Variants in PCDHGA3 observed in about 807,000 individuals in gnomAD.
The protein encoded by PCDHGA3 is protocadherin gamma subfamily A, 3.
PCDHGA3 carries 40 observed loss-of-function variants against 58.5 expected under a neutral mutation model. The ratio of observed to expected loss-of-function variants is 0.68; its 90% CI spans 0.53 to 0.89. The LOEUF is 0.89. PCDHGA3 is among the 40% of genes least tolerant of loss of function. The pLI, the probability that PCDHGA3 is intolerant of heterozygous loss-of-function variation, is 0.00. For synonymous variants in PCDHGA3, 530 were observed against 525.7 expected (o/e 1.01, Z -0.11); for missense variants, 1,223 against 1,195.9 (o/e 1.02, Z -0.33).
At chr5:141,444,865 G>A (rs1038923777) in intron 1 of PCDHGA3, among the ~76,000 whole-genome samples, 1 of 152,098 alleles carries the variant, frequency 6.6e-6, no homozygotes, top group Non-Finnish European at 1.5e-5. Flanking sequence ...TCTTACTACA[G>A]GACAAAGCTT....
chr5:141,491,441 A>G lies in PCDHGA3; in HGVS notation c.2425-3366A>G, dbSNP rs776616506. 1.2e-6 allele frequency: 2 copies of G among 1,614,146 alleles called. No homozygotes were observed. The highest frequency in any genetic ancestry group is 1.7e-6 in the Non-Finnish European group (2 of 1,180,032). ...GGTGGAGGGCAGTGCTGCAGGCGCCAGGACTCACCCTCCCCGGACTTCTAT... is the reference window on the plus strand; with the variant it reads ...GGTGGAGGGCAGTGCTGCAGGCGCCGGGACTCACCCTCCCCGGACTTCTAT... On this transcript the variant is annotated intron_variant, in intron 1 of 3. Coordinates refer to ENST00000253812, the MANE Select transcript of PCDHGA3 (RefSeq NM_018916.4). The surrounding 1 kb of genome is among the most constrained non-coding windows in gnomAD (Gnocchi z 6.9).
At position 141,434,771 on chromosome 5, in the gene PCDHGA3, TA is replaced by T. The variant is rs36031641; in HGVS notation, c.2425-60023del. On this transcript the variant is annotated intron_variant, in intron 1 of 3. Transcript: ENST00000253812. ...CCCCTGATTCCCCACTTCACACTTC[TA>T]AAAAAAAAAAAATTTTTTTTTCTGA... 2.5e-3 allele frequency among the ~76,000 whole-genome samples: 362 copies of T among 145,286 alleles called. 1 individual carries two copies. The highest frequency in any genetic ancestry group is 0.011 in the Middle Eastern group (3 of 280).
intron 1 of PCDHGA3, chr5:141,410,268 A>C: frequency 6.2e-7 from 1 of 1,613,994 alleles, no homozygotes. Context: ...GCTGAACTGC[A>C]GTTTTACCTG....
rs1243958567 is a variant in PCDHGA3, at chr5:141,418,557, T to C, written c.2424+72100T>C. 4.3e-6 allele frequency: 7 copies of C among 1,613,860 alleles called. No homozygotes were observed. The East Asian group carries it at 1.6e-4, about 36-fold the overall frequency. On this transcript the variant is annotated intron_variant, in intron 1 of 3. Coordinates refer to ENST00000253812, the MANE Select transcript of PCDHGA3 (RefSeq NM_018916.4). ...ACTGCTCAGATAAGAATCCTGGTAA[T>C]AGATGCCAATGACAACCCCCCAGTG... is the stretch of plus-strand genomic sequence containing the variant.
rs1384424498 is a variant in PCDHGA3, at chr5:141,431,677, G to A, written c.2425-63130G>A. On this transcript the variant is annotated intron_variant, in intron 1 of 3. Coordinates refer to ENST00000253812, the MANE Select transcript of PCDHGA3 (RefSeq NM_018916.4). This position sits in a 1 kb window ranked among gnomAD's most constrained non-coding sequence, Gnocchi z 4.8. The stretch of plus-strand genomic sequence containing the variant: ...CAGGGACAATATCAACAATAGGGGA[G>A]TTGGACCACGAGGAGTCAGGATTCT... 2 of 1,614,236 alleles carry A rather than the reference G, an allele frequency of 1.2e-6. No homozygotes were observed. The highest frequency in any genetic ancestry group is 1.7e-6 in the Non-Finnish European group (2 of 1,180,050).
At chr5:141,503,981 C>T (rs774655880) in intron 2 of PCDHGA3, among the ~76,000 whole-genome samples, 4 of 152,300 alleles carry the variant, frequency 2.6e-5, no homozygotes, top group East Asian at 1.9e-4. Flanking sequence ...CCAAACCCTT[C>T]TTCTTACCTT....
intron 1 of PCDHGA3, chr5:141,423,413 C>T (rs757696505): frequency 2.5e-6 from 4 of 1,614,022 alleles, no homozygotes; most frequent in South Asian, 2.2e-5. Flanking sequence ...CTGCAGGCTT[C>T]TGAAGGCGGG....
At chr5:141,382,840 A>C in intron 1 of PCDHGA3, 1 of 1,450,368 alleles carries the variant, frequency 6.9e-7, no homozygotes, top group Admixed American at 2.3e-5. Flanking sequence ...CCACCCGGAT[A>C]CACCCGCATT....
At chr5:141,462,043 G>C (rs1310987622) in intron 1 of PCDHGA3, among the ~76,000 whole-genome samples, 1 of 152,100 alleles carries the variant, frequency 6.6e-6, no homozygotes, top group Non-Finnish European at 1.5e-5. Flanking sequence ...GGCGGGTCTT[G>C]AACTCCCGAC....
At chr5:141,430,808 G>A in intron 1 of PCDHGA3, 1 of 1,526,682 alleles carries the variant, frequency 6.6e-7, no homozygotes, top group East Asian at 2.3e-5. Flanking sequence ...TGTCCTGCTG[G>A]GAATCCTCCT....
At chr5:141,363,723 G>T (rs1763043786) in intron 1 of PCDHGA3, among the ~76,000 whole-genome samples, 1 of 152,212 alleles carries the variant, frequency 6.6e-6, no homozygotes, top group African/African-American at 2.4e-5. Context: ...AAGGTGCATG[G>T]AGAACTGGGT....
intron 1 of PCDHGA3, chr5:141,352,191 A>G (rs1339193704): frequency 1.2e-6 from 2 of 1,613,698 alleles, no homozygotes; most frequent in African/African-American, 2.7e-5. Flanking sequence ...GCTGTGCGTG[A>G]TGGAGGACAG....
rs773126086 is a variant in PCDHGA3 at position 141,487,392 on chromosome 5, G to C, written c.2425-7415G>C. The C allele has an allele frequency of 6.2e-7, 1 of 1,614,176 alleles. No homozygotes were observed. Among genetic ancestry groups the C allele is most frequent in the Non-Finnish European group, 8.5e-7 (1 of 1,180,024 alleles). ...GCCTGTCTCACCAGATCTCGAAGGA[G>C]GGAGGGGCTTCCCCCTTCCAATGGG... On this transcript the variant is annotated intron_variant, in intron 1 of 3. Coordinates refer to ENST00000253812, the MANE Select transcript of PCDHGA3 (RefSeq NM_018916.4). This position sits in a 1 kb window ranked among gnomAD's most constrained non-coding sequence, Gnocchi z 5.0.
chr5:141,375,987 G>A, intron 1 of PCDHGA3: 1 of 1,613,458 alleles, frequency 6.2e-7, no homozygotes, highest in Non-Finnish European at 8.5e-7. Context: ...CTGCTGGACA[G>A]AGACGCGCTC....
Position 141,490,483 on chromosome 5 carries a change from G to A in PCDHGA3, c.2425-4324G>A. On this transcript the variant is annotated intron_variant, in intron 1 of 3. Transcript: ENST00000253812. The surrounding 1 kb of genome is among the most constrained non-coding windows in gnomAD (Gnocchi z 5.4). ...GCTAACCAGCCAGCCTTTGGACCGG[G>A]AGGCCACATCCCACTATATCATCGA... 2.5e-6 allele frequency: 4 copies of A among 1,614,198 alleles called. No individual in the cohort carries two copies. Among genetic ancestry groups the A allele is most frequent in the Non-Finnish European group, 3.4e-6 (4 of 1,180,046 alleles).
intron 3 of PCDHGA3, among the ~76,000 whole-genome samples, chr5:141,508,533 C>A (rs1396219805): frequency 6.6e-6 from 1 of 152,160 alleles, no homozygotes; most frequent in Non-Finnish European, 1.5e-5. Flanking sequence ...CAGGGCACCC[C>A]CCACGAGGTG....
intron 1 of PCDHGA3, among the ~76,000 whole-genome samples, chr5:141,407,816 ATAT>A (rs1270765996): frequency 6.6e-6 from 1 of 152,228 alleles, no homozygotes; most frequent in Non-Finnish European, 1.5e-5. Context: ...ATCTACTATA[ATAT>A]TATGGTGAGA....
rs756237595 is a variant in PCDHGA3, at chr5:141,398,946, C to T, written c.2424+52489C>T. The T allele has an allele frequency of 1.9e-6, 3 of 1,613,830 alleles. No individual in the cohort carries two copies. The Admixed American group carries it at 5.0e-5, about 27-fold the overall frequency. ...CAGCCACTGACCAAGACGAGGGCAT[C>T]AACTCAGAAATTACTTATTCCTTCT... On this transcript the variant is annotated intron_variant, in intron 1 of 3. Coordinates refer to ENST00000253812, the MANE Select transcript of PCDHGA3 (RefSeq NM_018916.4).
chr5:141,476,553 A>G lies in PCDHGA3; in HGVS notation c.2425-18254A>G. On this transcript the variant is annotated intron_variant, in intron 1 of 3. Coordinates refer to ENST00000253812, the MANE Select transcript of PCDHGA3 (RefSeq NM_018916.4). The surrounding 1 kb of genome is among the most constrained non-coding windows in gnomAD (Gnocchi z 7.6). ...CAGGAAATGAAATTGGAGATTAGCG[A>G]GGCCGTGGCTCCGGGGACGCGCTTT... The G allele has an allele frequency of 1.2e-6, 2 of 1,614,226 alleles. No homozygotes were observed. The highest frequency in any genetic ancestry group is 1.7e-6 in the Non-Finnish European group (2 of 1,180,040).
Sources: gnomAD v4.1 joint callset for allele counts (sites outside exome capture counted in the v4.1 genomes callset) on GRCh38, gnomAD v4.1.1 for gene constraint, Gnocchi (gnomAD v3.1) non-coding constraint, MANE v1.5 for transcripts, NCBI Gene and HGNC (gene_info 2026-07-23, HGNC 2026-07-21) for gene names.